CCDC148: variants seen among roughly 807,000 people sequenced by gnomAD.
CCDC148 encodes the protein coiled-coil domain-containing protein 148.
CCDC148 carries 89 observed loss-of-function variants against 85.7 expected under a neutral mutation model. The ratio of observed to expected loss-of-function variants is 1.04; its 90% CI spans 0.87 to 1.24. The LOEUF is 1.24. Ranked by LOEUF, CCDC148 falls within the 50% of genes most tolerant of loss-of-function variation. The pLI is 0.00. For missense variants in CCDC148, 692 were observed against 671.7 expected (o/e 1.03, Z -0.33); for synonymous variants, 230 against 213.9 (o/e 1.08, Z -0.66).
chr2:158,282,363 G>A (rs904778798), intron 9 of CCDC148, among the ~76,000 whole-genome samples: 1 of 152,164 alleles, frequency 6.6e-6, no homozygotes, highest in African/African-American at 2.4e-5. Flanking sequence ...TGACATGATT[G>A]TATATCTAGA....
intron 2 of CCDC148, among the ~76,000 whole-genome samples, chr2:158,352,648 G>C (rs1240120407): frequency 1.5e-4 from 23 of 152,276 alleles, no homozygotes; most frequent in African/African-American, 3.9e-4. Flanking sequence ...TTGGAAAACA[G>C]TCTTCAGGAT....
intron 9 of CCDC148, among the ~76,000 whole-genome samples, chr2:158,288,081 T>G (rs1690716899): frequency 6.6e-6 from 1 of 152,182 alleles, no homozygotes; most frequent in Non-Finnish European, 1.5e-5. Flanking sequence ...GACCTGTACT[T>G]TGGCCCCTTT....
chr2:158,329,785 G>T (rs1485527904), intron 7 of CCDC148, among the ~76,000 whole-genome samples: 1 of 152,092 alleles, frequency 6.6e-6, no homozygotes, highest in Non-Finnish European at 1.5e-5. Context: ...ATGAATGGGA[G>T]TTACTCATGA....
intron 9 of CCDC148, among the ~76,000 whole-genome samples, chr2:158,301,740 G>A (rs951636858): frequency 6.6e-6 from 1 of 152,314 alleles, no homozygotes; most frequent in East Asian, 1.9e-4. Context: ...AGAGTGGATC[G>A]TCAACAGGGA....
intron 10 of CCDC148, among the ~76,000 whole-genome samples, chr2:158,247,792 G>T (rs925444188): frequency 1.3e-5 from 2 of 152,142 alleles, no homozygotes; most frequent in Non-Finnish European, 2.9e-5. Context: ...GGAGGCAGAA[G>T]TTGCAGTGAG....
chr2:158,350,821 A>C lies in CCDC148; in HGVS notation c.148-5503T>G, dbSNP rs766699699. On this transcript the variant is annotated intron_variant, in intron 2 of 13. Transcript: ENST00000283233. Reference sequence around the variant, plus strand: ...TGATGTTTTGATACATATATATGTTATATAAAATATACGTTAAATCAGGGT... The same window carrying C: ...TGATGTTTTGATACATATATATGTTCTATAAAATATACGTTAAATCAGGGT... Among the ~76,000 whole-genome samples the C allele has an allele frequency of 3.5e-4, 53 of 152,320 alleles. 1 individual carries two copies. Among genetic ancestry groups the C allele is most frequent in the Non-Finnish European group, 6.8e-4 (46 of 68,038 alleles).
chr2:158,337,254 A>G (rs2105239098), intron 7 of CCDC148, among the ~76,000 whole-genome samples: 1 of 152,278 alleles, frequency 6.6e-6, no homozygotes, highest in East Asian at 1.9e-4. Context: ...TCAGGGAGAT[A>G]AGGAATCATC....
chr2:158,194,015 A>AT (rs1162978604), intron 11 of CCDC148, among the ~76,000 whole-genome samples: 23 of 151,402 alleles, frequency 1.5e-4, no homozygotes, highest in African/African-American at 4.9e-4. Context: ...TTAAAGTATA[A>AT]TAAAAAAAAA....
chr2:158,333,937 A>C (rs1281079552), intron 7 of CCDC148, among the ~76,000 whole-genome samples: 1 of 152,136 alleles, frequency 6.6e-6, no homozygotes, highest in East Asian at 1.9e-4. Flanking sequence ...TCAAGTTTAC[A>C]ATCAGCTAGC....
At chr2:158,272,186 G>C (rs1375319863) in intron 9 of CCDC148, among the ~76,000 whole-genome samples, 1 of 152,128 alleles carries the variant, frequency 6.6e-6, no homozygotes, top group Non-Finnish European at 1.5e-5. Context: ...AAGATTTATA[G>C]TGGGAAATTC....
At chr2:158,199,706 G>A (rs1685855965) in intron 11 of CCDC148, among the ~76,000 whole-genome samples, 1 of 152,066 alleles carries the variant, frequency 6.6e-6, no homozygotes, top group Non-Finnish European at 1.5e-5. Context: ...GAAATTATAG[G>A]TGAATAATGA....
intron 11 of CCDC148, among the ~76,000 whole-genome samples, chr2:158,205,678 G>A (rs1375841994): frequency 6.6e-6 from 1 of 152,136 alleles, no homozygotes; most frequent in Admixed American, 6.5e-5. Flanking sequence ...ATGATTCTTT[G>A]TAGGTTTGGA....
chr2:158,182,361 T>C (rs115470395), intron 11 of CCDC148, among the ~76,000 whole-genome samples: 3,007 of 152,094 alleles, frequency 0.02, 48 homozygotes, highest in Non-Finnish European at 0.03. Flanking sequence ...GGAGGATAAG[T>C]GGTCCTAAGA....
intron 4 of CCDC148, 49 bp from the exon 5 acceptor site, chr2:158,340,442 G>A (rs1327936882): frequency 3.8e-6 from 6 of 1,589,350 alleles, no homozygotes; most frequent in Non-Finnish European, 5.2e-6. Flanking sequence ...TATTTTAAGT[G>A]TCTCCAAAAA....
chr2:158,275,680 G>A (rs1375817519), intron 9 of CCDC148, among the ~76,000 whole-genome samples: 1 of 151,286 alleles, frequency 6.6e-6, no homozygotes, highest in Non-Finnish European at 1.5e-5. Flanking sequence ...AGTTGCAGTT[G>A]GTTATATTTA....
intron 9 of CCDC148, among the ~76,000 whole-genome samples, chr2:158,294,096 G>A (rs1002114230): frequency 2.3e-5 from 3 of 132,758 alleles, no homozygotes; most frequent in South Asian, 2.8e-4. Context: ...TCCCCACCCC[G>A]CCAAGTCCTC....
At chr2:158,384,656 A>T (rs1473858111) in intron 1 of CCDC148, among the ~76,000 whole-genome samples, 1 of 152,150 alleles carries the variant, frequency 6.6e-6, no homozygotes, top group African/African-American at 2.4e-5. Flanking sequence ...TCTTCTTTAT[A>T]AATTACCCAC....
At chr2:158,209,223 T>C (rs531876089) in intron 11 of CCDC148, among the ~76,000 whole-genome samples, 70 of 152,248 alleles carry the variant, frequency 4.6e-4, no homozygotes, top group Middle Eastern at 6.8e-3. Flanking sequence ...TAGTGGCATA[T>C]TGTAAAAGCT....
At chr2:158,236,766 A>C (rs1236504708) in intron 10 of CCDC148, among the ~76,000 whole-genome samples, 1 of 152,168 alleles carries the variant, frequency 6.6e-6, no homozygotes, top group Non-Finnish European at 1.5e-5. Flanking sequence ...AAGGAGAGTG[A>C]TATACTTTTC....
Sources: gnomAD v4.1 joint callset for allele counts (sites outside exome capture counted in the v4.1 genomes callset) on GRCh38, gnomAD v4.1.1 for gene constraint, MANE v1.5 for transcripts, NCBI Gene and HGNC (gene_info 2026-07-23, HGNC 2026-07-21) for gene names.